Variants in ZNF624 observed in about 807,000 individuals in gnomAD.
ZNF624 encodes the protein zinc finger protein 624.
A neutral mutation model predicts 74.7 loss-of-function variants in ZNF624; 43 were observed. The observed-to-expected ratio is 0.58, with a 90% CI of 0.45 to 0.74. The LOEUF (loss-of-function observed/expected upper bound fraction) is 0.74, where lower values mean the gene tolerates loss of function less well. ZNF624 is among the 30% of genes least tolerant of loss of function. ZNF624 has a pLI of 0.00. For missense variants in ZNF624, 820 were observed against 1,030.0 expected, an observed-to-expected ratio of 0.80 and a Z score of 2.79; for synonymous variants, 331 against 341.3, an observed-to-expected ratio of 0.97 and a Z score of 0.33.
chr17:16,646,014 T>C (rs1385229684), intron 3 of ZNF624, among the ~76,000 whole-genome samples: 1 of 147,618 alleles, frequency 6.8e-6, no homozygotes, highest in Non-Finnish European at 1.5e-5. Flanking sequence ...ACAAAACCAA[T>C]TAAATTAAAT....
At chr17:16,637,400 C>A (rs1390443459) in intron 3 of ZNF624, among the ~76,000 whole-genome samples, 2 of 152,176 alleles carry the variant, frequency 1.3e-5, no homozygotes, top group Non-Finnish European at 2.9e-5. Flanking sequence ...AAAGAGCCCA[C>A]ATCGCTAAGT....
rs1231892849 is a variant in ZNF624 at position 16,620,910 on chromosome 17, CATA to C, written c.*1375_*1377del. 2 of 152,134 alleles carry C rather than the reference CATA, an allele frequency of 1.3e-5. No individual in the cohort carries two copies. The highest frequency in any genetic ancestry group is 2.9e-5 in the Non-Finnish European group (2 of 68,022). 9.4% of individuals were successfully genotyped at this position (152,134 alleles called of 1,614,324 possible). The stretch of plus-strand genomic sequence containing the variant: ...TCTCTCTCAAAAGTTCACATAATTA[CATA>C]ATATTACATTTACAGTTTTATACCA... On this transcript the variant is annotated 3_prime_UTR_variant, in exon 6 of 6. Transcript: ENST00000311331.
chr17:16,641,886 A>G (rs1909475049), intron 3 of ZNF624, among the ~76,000 whole-genome samples: 1 of 152,256 alleles, frequency 6.6e-6, no homozygotes, highest in Non-Finnish European at 1.5e-5. Flanking sequence ...AAAGGAAATT[A>G]AGAAAAAATT....
At chr17:16,647,613 A>G (rs1002371945) in intron 2 of ZNF624, among the ~76,000 whole-genome samples, 1 of 152,254 alleles carries the variant, frequency 6.6e-6, no homozygotes, top group African/African-American at 2.4e-5. Flanking sequence ...TGAAAAAGAT[A>G]TAACTGCTTT....
intron 1 of ZNF624, among the ~76,000 whole-genome samples, chr17:16,651,439 A>G (rs1221775883): frequency 6.6e-6 from 1 of 152,070 alleles, no homozygotes; most frequent in East Asian, 1.9e-4. Context: ...CAAAAAAAAA[A>G]AAAAAAAGTG....
intron 5 of ZNF624, among the ~76,000 whole-genome samples, chr17:16,632,218 T>G (rs763219762): frequency 2.6e-5 from 4 of 152,178 alleles, no homozygotes; most frequent in Non-Finnish European, 5.9e-5. Context: ...TTCTCAGTAT[T>G]ACAACACAGG....
In ZNF624 at chr17:16,649,663, G is replaced by C; in HGVS notation, c.82C>G (p.Arg28Gly). Residue 28 changes from arginine (R) to glycine (G), a missense_variant, in exon 2 of 6, where the codon CGC (arginine) becomes GGC (glycine). By Grantham distance (125) the Arg-to-Gly change is moderately radical. Transcript: ENST00000311331. The part of the protein sequence containing the change: ...IMAAVFFSVG[R>G]LSPEVTQPDE... ...AACAGGGAATCCCAACTTACCAGGC[G>C]TCCAACTGAGAAAAACACAGCAGCC... 6.2e-7 allele frequency: 1 copy of C among 1,613,796 alleles called. No homozygotes were observed. The highest frequency in any genetic ancestry group is 8.5e-7 in the Non-Finnish European group (1 of 1,179,778).
chr17:16,626,744 C>T (rs1473713791), intron 5 of ZNF624, among the ~76,000 whole-genome samples: 1 of 152,006 alleles, frequency 6.6e-6, no homozygotes, highest in Non-Finnish European at 1.5e-5. Context: ...AAAGTGAAAC[C>T]CTGTCTCAAA....
At chr17:16,633,670 A>G (rs894304399) in intron 5 of ZNF624, among the ~76,000 whole-genome samples, 192 bp downstream of exon 5, 2 of 152,138 alleles carry the variant, frequency 1.3e-5, no homozygotes, top group African/African-American at 2.4e-5. Flanking sequence ...ATGTTTCCCA[A>G]AAGTGGAGGA....
downstream of ZNF624, among the ~76,000 whole-genome samples, chr17:16,620,037 A>C (rs1340676521): frequency 1.3e-5 from 2 of 152,256 alleles, no homozygotes; most frequent in Non-Finnish European, 2.9e-5. Flanking sequence ...CATTTTAACC[A>C]GAATGTCAAA....
chr17:16,646,038 A>G (rs1909586650), intron 3 of ZNF624, among the ~76,000 whole-genome samples: 1 of 152,024 alleles, frequency 6.6e-6, no homozygotes, highest in Non-Finnish European at 1.5e-5. Flanking sequence ...TAACTTATTG[A>G]TAGTTATTAT....
At chr17:16,619,352 T>C (rs1908854898), downstream of ZNF624, among the ~76,000 whole-genome samples, 1 of 152,146 alleles carries the variant, frequency 6.6e-6, no homozygotes, top group South Asian at 2.1e-4. Context: ...AAAGAAAAGT[T>C]ATTATCAAAA....
At chr17:16,629,653 G>A (rs1298741626) in intron 5 of ZNF624, among the ~76,000 whole-genome samples, 2 of 151,984 alleles carry the variant, frequency 1.3e-5, no homozygotes, top group African/African-American at 2.4e-5. Flanking sequence ...TGCAACCTCC[G>A]CCTCCTGGGT....
chr17:16,616,751 TCC>T, downstream of ZNF624: 1 of 701,094 alleles, frequency 1.4e-6, no homozygotes, highest in Non-Finnish European at 2.2e-6. Flanking sequence ...TTCAAGAGAT[TCC>T]TCTTGCAGAA....
chr17:16,641,476 G>A (rs1909465626), intron 3 of ZNF624, among the ~76,000 whole-genome samples: 1 of 152,078 alleles, frequency 6.6e-6, no homozygotes, highest in South Asian at 2.1e-4. Flanking sequence ...TAGAGACAGG[G>A]TTTCACCATG....
intron 4 of ZNF624, 48 bp downstream of exon 4, chr17:16,634,582 C>A: frequency 6.3e-7 from 1 of 1,575,476 alleles, no homozygotes; most frequent in Non-Finnish European, 8.6e-7. Context: ...TTTGGCAAAC[C>A]TGGTCAAATG....
Position 16,624,345 on chromosome 17 carries a change from T to G in ZNF624, c.541A>C (p.Asn181His), listed in dbSNP as rs1302922996. ...CTTTGACTCAAATGATTCTCCTGATTATTTTGTAATCTCAATATCCTATCA... is the reference window on the plus strand; with the variant it reads ...CTTTGACTCAAATGATTCTCCTGATGATTTTGTAATCTCAATATCCTATCA... ...WNDRILRLQN[N>H]QENHLSQRII... Residue 181 changes from asparagine (N) to histidine (H), a missense_variant, in exon 6 of 6, where the codon AAT (asparagine) becomes CAT (histidine). By Grantham distance (68) the Asn-to-His change is moderately conservative. Transcript: ENST00000311331. 6.2e-7 allele frequency: 1 copy of G among 1,613,784 alleles called. No homozygotes were observed. The highest frequency in any genetic ancestry group is 1.3e-5 in the African/African-American group (1 of 75,044).
chr17:16,625,737 A>G (rs569645276), intron 5 of ZNF624, among the ~76,000 whole-genome samples: 1 of 152,274 alleles, frequency 6.6e-6, no homozygotes, highest in Admixed American at 6.5e-5. Context: ...GGCCCTAAGA[A>G]CATTTCTGAC....
At chr17:16,647,859 C>T (rs1207903230) in intron 2 of ZNF624, among the ~76,000 whole-genome samples, 1 of 152,162 alleles carries the variant, frequency 6.6e-6, no homozygotes, top group African/African-American at 2.4e-5. Context: ...AGCAACCTCT[C>T]ATAACATTGT....
Sources: gnomAD v4.1 joint callset for allele counts (sites outside exome capture counted in the v4.1 genomes callset) on GRCh38, gnomAD v4.1.1 for gene constraint, MANE v1.5 for transcripts, NCBI Gene and HGNC (gene_info 2026-07-23, HGNC 2026-07-21) for gene names.